Variants in ATP10A observed in about 807,000 individuals in gnomAD.
ATP10A encodes the protein phospholipid-transporting ATPase VA.
Under a neutral mutation model 147.8 loss-of-function variants are expected in ATP10A, and 111 were observed. The observed-to-expected ratio is 0.75, with a 90% CI of 0.64 to 0.88. The LOEUF is 0.88. Ranked by LOEUF, ATP10A falls within the 40% of genes least tolerant of loss-of-function variation. ATP10A has a pLI of 0.00. For missense variants in ATP10A, 1,927 were observed against 1,959.0 expected (o/e 0.98, Z 0.31); for synonymous variants, 875 against 841.6 (o/e 1.04, Z -0.69).
chr15:25,705,189 C>T (rs1900902831), intron 12 of ATP10A, among the ~76,000 whole-genome samples: 1 of 152,040 alleles, frequency 6.6e-6, no homozygotes, highest in South Asian at 2.1e-4. Context: ...GCCTGTAATC[C>T]CAGCACTTAG....
chr15:25,705,685 A>G (rs1039760402), intron 12 of ATP10A, among the ~76,000 whole-genome samples: 8 of 152,178 alleles, frequency 5.3e-5, no homozygotes, highest in Admixed American at 2.0e-4. Flanking sequence ...AGTGGTTAAC[A>G]ACCGGTCTGT....
At chr15:25,793,890 G>A (rs1890545495) in intron 1 of ATP10A, among the ~76,000 whole-genome samples, 4 of 152,202 alleles carry the variant, frequency 2.6e-5, no homozygotes, top group Admixed American at 2.0e-4. Flanking sequence ...TGCTCTGTGG[G>A]ACTCACCCCA....
chr15:25,673,782 G>A (rs147559326), downstream of ATP10A, among the ~76,000 whole-genome samples: 104 of 152,322 alleles, frequency 6.8e-4, no homozygotes, highest in African/African-American at 2.3e-3. Flanking sequence ...GGATGGCAAT[G>A]CTTCTCTCTG....
intron 2 of ATP10A, among the ~76,000 whole-genome samples, chr15:25,737,193 C>T (rs1390529687): frequency 6.6e-6 from 1 of 152,206 alleles, no homozygotes; most frequent in Non-Finnish European, 1.5e-5. Flanking sequence ...CTCTCTTCTC[C>T]TTGGACTGAA....
intron 13 of ATP10A, among the ~76,000 whole-genome samples, chr15:25,700,757 G>A (rs2140340411): frequency 6.6e-6 from 1 of 152,198 alleles, no homozygotes; most frequent in East Asian, 1.9e-4. Flanking sequence ...ATAGGGTGGT[G>A]TATATACATA....
At chr15:25,752,772 T>A (rs1358331777) in intron 2 of ATP10A, among the ~76,000 whole-genome samples, 1 of 152,230 alleles carries the variant, frequency 6.6e-6, no homozygotes, top group East Asian at 1.9e-4. Flanking sequence ...CCTAACACTA[T>A]GAAATTTGCC....
chr15:25,752,218 C>T (rs951633118), intron 2 of ATP10A, among the ~76,000 whole-genome samples: 4 of 152,116 alleles, frequency 2.6e-5, no homozygotes, highest in African/African-American at 9.7e-5. Flanking sequence ...CTCCCATGTT[C>T]ATTGAAGCAT....
intron 1 of ATP10A, among the ~76,000 whole-genome samples, chr15:25,788,382 G>A (rs1890266243): frequency 6.6e-6 from 1 of 152,198 alleles, no homozygotes; most frequent in Non-Finnish European, 1.5e-5. Context: ...CTGCAGAACG[G>A]GGGTCTGTAG....
At chr15:25,695,628 CA>C (rs1285041094) in intron 13 of ATP10A, among the ~76,000 whole-genome samples, 1 of 151,126 alleles carries the variant, frequency 6.6e-6, no homozygotes, top group South Asian at 2.1e-4. Context: ...GACTCTGTCT[CA>C]AAAAAAAGAG....
chr15:25,675,632 C>A (rs1486642396), downstream of ATP10A, among the ~76,000 whole-genome samples: 4 of 152,056 alleles, frequency 2.6e-5, no homozygotes, highest in African/African-American at 9.7e-5. Flanking sequence ...CTCAGACCAC[C>A]AAAGGCCATC....
intron 3 of ATP10A, 46 bp downstream of exon 3, chr15:25,736,010 A>T: frequency 7.0e-7 from 1 of 1,434,094 alleles, no homozygotes; most frequent in Non-Finnish European, 9.9e-7. Flanking sequence ...CTGCCTATGT[A>T]GTTATCAAAC....
intron 1 of ATP10A, among the ~76,000 whole-genome samples, chr15:25,783,957 C>A (rs1384114704): frequency 6.6e-6 from 1 of 152,198 alleles, no homozygotes; most frequent in Non-Finnish European, 1.5e-5. Flanking sequence ...GCCCCCATCC[C>A]CAGGCCGTCC....
downstream of ATP10A, among the ~76,000 whole-genome samples, chr15:25,675,109 G>A (rs534861802): frequency 3.2e-4 from 49 of 152,332 alleles, no homozygotes; most frequent in Middle Eastern, 3.4e-3. Flanking sequence ...GCCGCGGATG[G>A]TCTCCCGGCA....
intron 1 of ATP10A, among the ~76,000 whole-genome samples, chr15:25,788,747 T>C (rs1392055625): frequency 1.3e-5 from 2 of 152,214 alleles, no homozygotes; most frequent in Non-Finnish European, 2.9e-5. Context: ...AGGATTTCCA[T>C]GAAATGGAGA....
chr15:25,696,770 G>C (rs1475029483), intron 13 of ATP10A, among the ~76,000 whole-genome samples: 1 of 152,246 alleles, frequency 6.6e-6, no homozygotes, highest in African/African-American at 2.4e-5. Flanking sequence ...GGGGTTCCCA[G>C]TGCTCTGAGA....
At chr15:25,831,080 C>T (rs1253410808) in intron 1 of ATP10A, among the ~76,000 whole-genome samples, 1 of 152,200 alleles carries the variant, frequency 6.6e-6, no homozygotes, top group African/African-American at 2.4e-5. Context: ...AGCCACTCAC[C>T]CCACCTTCCC....
intron 2 of ATP10A, among the ~76,000 whole-genome samples, chr15:25,751,905 T>C (rs184542991): frequency 6.6e-6 from 1 of 152,038 alleles, no homozygotes; most frequent in Non-Finnish European, 1.5e-5. Context: ...AAAAGACATA[T>C]GAAAAAATGC....
At chr15:25,777,092 C>CCTGCATGTGTGTGT (rs1307153179) in intron 2 of ATP10A, among the ~76,000 whole-genome samples, 49 of 92,118 alleles carry the variant, frequency 5.3e-4, no homozygotes, top group Middle Eastern at 6.1e-3. Flanking sequence ...TGTGTGCATA[C>CCTGCATGTGTGTGT]GTGCGTGTGT....
Position 25,699,615 on chromosome 15 carries a change from T to A in ATP10A, c.2760+2301A>T, listed in dbSNP as rs371001774. 2.6e-4 allele frequency among the ~76,000 whole-genome samples: 39 copies of A among 152,314 alleles called. No homozygotes were observed. The East Asian group carries it at 6.0e-3, about 23-fold the overall frequency. Reference sequence around the variant, plus strand: ...CAGGCACAGTGGCTCAAGTCTATAATCTCAGCACTTTGAGAGGCCGAGGCA... The same window carrying A: ...CAGGCACAGTGGCTCAAGTCTATAAACTCAGCACTTTGAGAGGCCGAGGCA... On this transcript the variant is annotated intron_variant, in intron 13 of 20. Transcript: ENST00000555815.
Sources: allele counts gnomAD v4.1 joint callset (sites outside exome capture counted in the v4.1 genomes callset), GRCh38; gene constraint gnomAD v4.1.1; transcripts MANE v1.5; gene names NCBI Gene and HGNC (gene_info 2026-07-23, HGNC 2026-07-21).